The following MYO16 variants were observed in gnomAD, a reference collection of about 807,000 sequenced individuals.
MYO16 encodes the protein unconventional myosin-XVI.
Under a neutral mutation model 205.3 loss-of-function variants are expected in MYO16, and 94 were observed. The observed-to-expected ratio is 0.46, with a 90% CI of 0.39 to 0.54. The LOEUF (loss-of-function observed/expected upper bound fraction) is 0.54, where lower values mean the gene tolerates loss of function less well. Ranked by LOEUF, MYO16 falls within the 20% of genes least tolerant of loss-of-function variation. MYO16 has a pLI of 0.00. For missense variants in MYO16, 2,315 were observed against 2,387.5 expected, an observed-to-expected ratio of 0.97 and a Z score of 0.63; for synonymous variants, 988 against 954.0, an observed-to-expected ratio of 1.04 and a Z score of -0.66.
At chr13:108,667,461 G>A (rs1881792020) in intron 2 of MYO16, among the ~76,000 whole-genome samples, 1 of 151,902 alleles carries the variant, frequency 6.6e-6, no homozygotes, top group Admixed American at 6.6e-5. Flanking sequence ...ATATTTTCTG[G>A]AAAGCTGTCT....
In MYO16 at chr13:108,722,457, A is replaced by G. The variant is rs1884200155; in HGVS notation, c.364-4983A>G. Among the ~76,000 whole-genome samples, 6 of 152,204 alleles carry G rather than the reference A, an allele frequency of 3.9e-5. No individual in the cohort carries two copies. The South Asian group carries it at 1.2e-3, about 31-fold the overall frequency. On this transcript the variant is annotated intron_variant, in intron 3 of 34. Transcript: ENST00000457511. ...TATTGCTGTCAAATTATTATTCATA[A>G]TCCTCTGAAATGTGATTCCCAAAAT...
chr13:109,091,049 G>A (rs1888605540), intron 27 of MYO16, among the ~76,000 whole-genome samples: 1 of 152,148 alleles, frequency 6.6e-6, no homozygotes, highest in Non-Finnish European at 1.5e-5. Context: ...GCCCCAAATA[G>A]CTTGAAAATC....
At chr13:108,652,182 T>C (rs1429906862) in intron 1 of MYO16, among the ~76,000 whole-genome samples, 1 of 152,288 alleles carries the variant, frequency 6.6e-6, no homozygotes, top group East Asian at 1.9e-4. Flanking sequence ...TGCGCGTGTG[T>C]GTGTGTGAAT....
Position 108,629,637 on chromosome 13 carries a change from G to A in MYO16, c.-208G>A. ...CCAGTGGTGCCTCAAGACCCACCGGGGAGAGGCTTATCTTAACTCCAGCTG... is the reference window on the plus strand; with the variant it reads ...CCAGTGGTGCCTCAAGACCCACCGGAGAGAGGCTTATCTTAACTCCAGCTG... On this transcript the variant is annotated 5_prime_UTR_variant, in exon 1 of 35. Coordinates refer to ENST00000457511, the MANE Select transcript of MYO16 (RefSeq NM_001198950.3). 1.9e-6 allele frequency: 1 copy of A among 518,372 alleles called. No homozygotes were observed. The highest frequency in any genetic ancestry group is 3.5e-6 in the Non-Finnish European group (1 of 287,214). The allele number at this position is 518,372 out of a possible 1,614,324, so 32.1% of individuals were successfully genotyped here.
chr13:109,137,028 G>A (rs2139797508), intron 31 of MYO16, among the ~76,000 whole-genome samples: 1 of 152,336 alleles, frequency 6.6e-6, no homozygotes, highest in South Asian at 2.1e-4. Flanking sequence ...ACTGCAGTCA[G>A]ATAGTGATCA....
At chr13:108,748,165 G>C (rs1885123906) in intron 4 of MYO16, among the ~76,000 whole-genome samples, 1 of 151,976 alleles carries the variant, frequency 6.6e-6, no homozygotes, top group Admixed American at 6.6e-5. Flanking sequence ...TATGTTATCA[G>C]ACCCCAATGA....
intron 2 of MYO16, among the ~76,000 whole-genome samples, chr13:108,685,483 G>A (rs1882641054): frequency 6.6e-6 from 1 of 152,170 alleles, no homozygotes; most frequent in Non-Finnish European, 1.5e-5. Context: ...CTGATTGCTT[G>A]GTGTGGACAC....
intron 1 of MYO16, among the ~76,000 whole-genome samples, chr13:108,600,020 C>T (rs1165785973): frequency 6.6e-6 from 1 of 152,000 alleles, no homozygotes; most frequent in African/African-American, 2.4e-5. Flanking sequence ...TTAGACACAC[C>T]CCCAGGACTT....
At chr13:108,800,122 C>A (rs1260183822) in intron 6 of MYO16, among the ~76,000 whole-genome samples, 1 of 152,132 alleles carries the variant, frequency 6.6e-6, no homozygotes, top group East Asian at 1.9e-4. Flanking sequence ...GAGGACACTC[C>A]AGATTTTCTC....
At chr13:108,726,557 C>CA (rs756271184) in intron 3 of MYO16, among the ~76,000 whole-genome samples, 4,172 of 108,106 alleles carry the variant, frequency 0.039, 184 homozygotes, top group African/African-American at 0.11. Flanking sequence ...GACTCTGTTT[C>CA]AAAAAAAAAA....
At chr13:108,627,686 G>C (rs16972800), upstream of MYO16, among the ~76,000 whole-genome samples, 10,658 of 152,172 alleles carry the variant, frequency 0.07, 532 homozygotes, top group East Asian at 0.18. Context: ...ATTGAAAAAA[G>C]TAGGGCTCAA....
intron 32 of MYO16, among the ~76,000 whole-genome samples, chr13:109,161,240 A>G (rs953323618): frequency 6.6e-6 from 1 of 152,240 alleles, no homozygotes; most frequent in Non-Finnish European, 1.5e-5. Flanking sequence ...ATTACCACTG[A>G]GGCCTGGGTG....
chr13:108,953,193 C>T (rs4773013), intron 16 of MYO16, among the ~76,000 whole-genome samples: 13,937 of 152,232 alleles, frequency 0.092, 944 homozygotes, highest in African/African-American at 0.17. Flanking sequence ...GTGTAAACTA[C>T]GATCTTTTCC....
At chr13:108,886,534 G>A in intron 13 of MYO16, 1 of 455,486 alleles carries the variant, frequency 2.2e-6, no homozygotes, top group South Asian at 1.6e-5. Context: ...AGGGTGCCTG[G>A]TGCCCCCTTC....
intron 28 of MYO16, among the ~76,000 whole-genome samples, chr13:109,109,199 C>T (rs1395809576): frequency 6.6e-6 from 1 of 151,544 alleles, no homozygotes; most frequent in Non-Finnish European, 1.5e-5. Context: ...ATTTCCCCAA[C>T]TTCAAGATTA....
chr13:108,525,792 C>A, the MYO16 span, among the ~76,000 whole-genome samples: 5 of 152,178 alleles, frequency 3.3e-5, no homozygotes, highest in African/African-American at 1.2e-4. Context: ...TTTTGGATTT[C>A]TTTAATGAAT....
rs1424046884 is a variant in MYO16 at position 109,127,789 on chromosome 13, C to T, written c.4051+239C>T. ...CTTAACTCCCATCCCCACCCTGCCT[C>T]CAAAGAGCAGTATCAAATCAATTCA... On this transcript the variant is annotated intron_variant, in intron 31 of 34. Transcript: ENST00000457511. This position sits in a 1 kb window ranked among gnomAD's most constrained non-coding sequence, Gnocchi z 4.2. Among the ~76,000 whole-genome samples, 1 of 151,310 alleles carries T rather than the reference C, an allele frequency of 6.6e-6. No individual in the cohort carries two copies. The highest frequency in any genetic ancestry group is 1.5e-5 in the Non-Finnish European group (1 of 67,970).
intron 4 of MYO16, among the ~76,000 whole-genome samples, chr13:108,745,756 G>T (rs1428192826): frequency 6.6e-6 from 1 of 152,096 alleles, no homozygotes; most frequent in Admixed American, 6.6e-5. Flanking sequence ...AGATTTAAAA[G>T]AACTATTATT....
chr13:108,888,316 C>G (rs984850700), intron 13 of MYO16, 56 bp from the exon 14 acceptor site: 1 of 1,261,020 alleles, frequency 7.9e-7, no homozygotes, highest in Non-Finnish European at 1.1e-6. Flanking sequence ...AACAAAGGAA[C>G]AAGCTTTGAA....
Sources: gnomAD v4.1 joint callset for allele counts (sites outside exome capture counted in the v4.1 genomes callset) on GRCh38, gnomAD v4.1.1 for gene constraint, Gnocchi (gnomAD v3.1) non-coding constraint, MANE v1.5 for transcripts, NCBI Gene and HGNC (gene_info 2026-07-23, HGNC 2026-07-21) for gene names.